Variants in WAPL observed in about 807,000 individuals in gnomAD.
WAPL encodes the protein wings apart-like protein homolog.
Under a neutral mutation model 121.0 loss-of-function variants are expected in WAPL, and 5 were observed. That is an observed-to-expected ratio of 0.04 (90% CI 0.02 to 0.09). The LOEUF is 0.09. WAPL is among the 10% of genes least tolerant of loss of function. WAPL has a pLI of 1.00. For missense variants in WAPL, 999 were observed against 1,410.8 expected, an observed-to-expected ratio of 0.71 and a Z score of 4.68; for synonymous variants, 480 against 481.5, an observed-to-expected ratio of 1.00 and a Z score of 0.04.
At chr10:86,443,890 G>A in intron 16 of WAPL, 1 of 155,146 alleles carries the variant, frequency 6.4e-6, no homozygotes, top group Non-Finnish European at 1.4e-5. Context: ...GGGTGTGGCG[G>A]TGCACGCCTG....
At chr10:86,464,920 T>A (rs1381336731) in intron 9 of WAPL, among the ~76,000 whole-genome samples, 2 of 152,244 alleles carry the variant, frequency 1.3e-5, no homozygotes, top group Non-Finnish European at 2.9e-5. Flanking sequence ...TGATTTGCCA[T>A]CTGGGCACAA....
chr10:86,511,991 C>T (rs949840254), intron 2 of WAPL, among the ~76,000 whole-genome samples: 3 of 152,066 alleles, frequency 2.0e-5, no homozygotes, highest in African/African-American at 7.2e-5. Flanking sequence ...AGCTGATTTT[C>T]GGTATGATTT....
At chr10:86,491,403 T>C (rs1842044573) in intron 4 of WAPL, among the ~76,000 whole-genome samples, 1 of 152,006 alleles carries the variant, frequency 6.6e-6, no homozygotes, top group Non-Finnish European at 1.5e-5. Context: ...CCTCCCAAAG[T>C]GCTAGGATTA....
chr10:86,474,287 G>A (rs1354122391), intron 4 of WAPL, among the ~76,000 whole-genome samples: 2 of 152,108 alleles, frequency 1.3e-5, no homozygotes, highest in Non-Finnish European at 2.9e-5. Context: ...GCCAAGGCGG[G>A]TGGATCACTT....
chr10:86,445,890 T>C (rs1265409619), intron 16 of WAPL, among the ~76,000 whole-genome samples: 1 of 152,176 alleles, frequency 6.6e-6, no homozygotes, highest in African/African-American at 2.4e-5. Flanking sequence ...CAATAGATCT[T>C]CAAGTTTAAA....
intron 12 of WAPL, among the ~76,000 whole-genome samples, chr10:86,456,134 G>A (rs776359843): frequency 6.6e-6 from 1 of 152,186 alleles, no homozygotes; most frequent in Non-Finnish European, 1.5e-5. Flanking sequence ...CAAAGTCAGA[G>A]TGTCTTGCAA....
chr10:86,464,240 C>T (rs1438330921), intron 9 of WAPL, among the ~76,000 whole-genome samples: 1 of 152,042 alleles, frequency 6.6e-6, no homozygotes, highest in Non-Finnish European at 1.5e-5. Context: ...AAGAGGAATC[C>T]TAAAATTGAC....
At chr10:86,499,581 T>C in intron 3 of WAPL, 137 bp downstream of exon 3, 1 of 780,256 alleles carries the variant, frequency 1.3e-6, no homozygotes, top group Non-Finnish European at 1.9e-6. Context: ...GTTATGTGAA[T>C]GGGATCTTTA....
intron 4 of WAPL, among the ~76,000 whole-genome samples, chr10:86,486,838 C>T (rs180671352): frequency 6.6e-6 from 1 of 152,096 alleles, no homozygotes; most frequent in Non-Finnish European, 1.5e-5. Context: ...TGCCTATAGT[C>T]CCAGCTACCC....
At chr10:86,484,638 C>T (rs1489591422) in intron 4 of WAPL, among the ~76,000 whole-genome samples, 2 of 152,224 alleles carry the variant, frequency 1.3e-5, no homozygotes, top group Non-Finnish European at 2.9e-5. Context: ...CACATTCACT[C>T]ACTGACTCCC....
chr10:86,519,453 TATA>T (rs1232448431), intron 1 of WAPL, among the ~76,000 whole-genome samples: 2 of 152,222 alleles, frequency 1.3e-5, no homozygotes, highest in African/African-American at 4.8e-5. Context: ...TCTTACCATT[TATA>T]ATGAGTCACT....
chr10:86,461,327 G>C, intron 9 of WAPL, 40 bp from the exon 10 acceptor site: 1 of 1,493,536 alleles, frequency 6.7e-7, no homozygotes, highest in Middle Eastern at 1.7e-4. Flanking sequence ...TCAACTTTTA[G>C]CAATAACTCT....
chr10:86,485,189 C>T (rs1841901779), intron 4 of WAPL, among the ~76,000 whole-genome samples: 2 of 151,114 alleles, frequency 1.3e-5, no homozygotes, highest in South Asian at 4.2e-4. Flanking sequence ...AGCCTCATTT[C>T]CTGGGAAATA....
intron 4 of WAPL, among the ~76,000 whole-genome samples, chr10:86,484,747 G>C (rs758384179): frequency 2.0e-5 from 3 of 152,054 alleles, no homozygotes; most frequent in Non-Finnish European, 2.9e-5. Flanking sequence ...TCTAGGTTTA[G>C]ATACACAAAT....
chr10:86,487,479 C>CTA (rs1282479533), intron 4 of WAPL, among the ~76,000 whole-genome samples: 1 of 152,158 alleles, frequency 6.6e-6, no homozygotes, highest in African/African-American at 2.4e-5. Context: ...TATGTTCTTA[C>CTA]TACAAGTTTT....
intron 1 of WAPL, among the ~76,000 whole-genome samples, chr10:86,520,976 A>G (rs557847651): frequency 2.8e-4 from 42 of 152,000 alleles, no homozygotes; most frequent in South Asian, 1.9e-3. Flanking sequence ...TAGACACTCA[A>G]TGCAACTTTT....
intron 9 of WAPL, among the ~76,000 whole-genome samples, chr10:86,463,894 C>T (rs1014394153): frequency 6.6e-6 from 1 of 152,168 alleles, no homozygotes; most frequent in Non-Finnish European, 1.5e-5. Flanking sequence ...ACATGCTATA[C>T]AGGTTTGCAT....
At chr10:86,476,645 C>T (rs1330696066) in intron 4 of WAPL, among the ~76,000 whole-genome samples, 2 of 143,452 alleles carry the variant, frequency 1.4e-5, no homozygotes, top group African/African-American at 5.2e-5. Context: ...GCCGAGATTG[C>T]GCCACTGCAC....
At chr10:86,469,256 T>TG (rs1564571380) in intron 8 of WAPL, among the ~76,000 whole-genome samples, 4 of 142,530 alleles carry the variant, frequency 2.8e-5, no homozygotes, top group Non-Finnish European at 6.2e-5. Context: ...TTTTTTTTTT[T>TG]TTTTTTTTTT....
Sources: allele counts gnomAD v4.1 joint callset (sites outside exome capture counted in the v4.1 genomes callset), GRCh38; gene constraint gnomAD v4.1.1; transcripts MANE v1.5; gene names NCBI Gene and HGNC (gene_info 2026-07-23, HGNC 2026-07-21).